The following MED13 variants were observed in gnomAD, a reference collection of about 807,000 sequenced individuals.
MED13 encodes mediator of RNA polymerase II transcription subunit 13.
A neutral mutation model predicts 225.2 loss-of-function variants in MED13; 23 were observed. The observed-to-expected ratio is 0.10, with a 90% CI of 0.07 to 0.14. The LOEUF is 0.14. Ranked by LOEUF, MED13 falls within the 10% of genes least tolerant of loss-of-function variation. The pLI, the probability that MED13 is intolerant of heterozygous loss-of-function variation, is 1.00. For missense variants in MED13, 2,197 were observed against 2,594.5 expected, an observed-to-expected ratio of 0.85 and a Z score of 3.33; for synonymous variants, 942 against 889.2, an observed-to-expected ratio of 1.06 and a Z score of -1.06.
intron 8 of MED13, among the ~76,000 whole-genome samples, chr17:62,017,226 A>G (rs2080591615): frequency 1.3e-5 from 2 of 149,402 alleles, no homozygotes; most frequent in South Asian, 4.2e-4. Context: ...TGCTAAAAAA[A>G]AAAAAAAAAA....
rs373336007 is a variant in MED13 at position 61,942,832 on chromosome 17, C to T, written c.*3636G>A. On this transcript the variant is annotated 3_prime_UTR_variant, in exon 30 of 30. Transcript: ENST00000397786. Reference sequence around the variant, plus strand: ...ACTGCTAAACAACAACTTTAAAACGCCCCTTCATAAAGTGACCAAGCTATT... The same window carrying T: ...ACTGCTAAACAACAACTTTAAAACGTCCCTTCATAAAGTGACCAAGCTATT... 6.6e-6 allele frequency: 1 copy of T among 152,416 alleles called. No homozygotes were observed. The highest frequency in any genetic ancestry group is 6.6e-5 in the Admixed American group (1 of 15,264). The allele number at this position is 152,416 out of a possible 1,614,324, so 9.4% of individuals were successfully genotyped here.
At chr17:62,035,713 C>T (rs2080796795) in intron 3 of MED13, 105 bp from the exon 4 acceptor site, 1 of 1,117,774 alleles carries the variant, frequency 8.9e-7, no homozygotes, top group Admixed American at 3.0e-5. Flanking sequence ...CCTATTTTGC[C>T]CAAAAATTCT....
chr17:61,953,303 G>A (rs2079912644), intron 26 of MED13, among the ~76,000 whole-genome samples, 190 bp from the exon 27 acceptor site: 2 of 152,170 alleles, frequency 1.3e-5, no homozygotes, highest in South Asian at 4.1e-4. Context: ...CAAGCATGTG[G>A]TAGTCTGAAT....
At position 61,956,537 on chromosome 17, in the gene MED13, CTGT is replaced by C. The variant is rs878981709; in HGVS notation, c.5481-59_5481-57del. The C allele has an allele frequency of 8.6e-5, 132 of 1,542,528 alleles. 1 individual carries two copies. In the South Asian group the frequency reaches 1.3e-3, roughly 16 times the overall value. The stretch of plus-strand genomic sequence containing the variant: ...TATTTCTAAAATTTATATGATTTTG[CTGT>C]TGTTGTTTTTTTGAGATGGAGTCTC... On this transcript the variant is annotated intron_variant, in intron 23 of 29. Coordinates refer to ENST00000397786, the MANE Select transcript of MED13 (RefSeq NM_005121.3).
rs775871388 is a variant in MED13, at chr17:62,010,912, T to G, written c.1605A>C (p.Pro535=). 2 of 1,612,916 alleles carry G rather than the reference T, an allele frequency of 1.2e-6. No homozygotes were observed. Among genetic ancestry groups the G allele is most frequent in the Admixed American group, 3.3e-5 (2 of 59,980 alleles). Residue 535 remains proline, a synonymous_variant, in exon 9 of 30, where the codon CCA becomes CCC. Transcript: ENST00000397786. ...CCACATCACAAGGGTGAGGACTAAG[T>G]GGGGGTGGTTGAGGTGAATTTGCCA... ...TEMANSPQPP[P]LSPHPCDVVD...
At chr17:62,012,493 G>A (rs2080520847) in intron 8 of MED13, among the ~76,000 whole-genome samples, 1 of 151,188 alleles carries the variant, frequency 6.6e-6, no homozygotes, top group Admixed American at 6.6e-5. Flanking sequence ...ACCATGCCCG[G>A]CTAATTTTGC....
Position 61,982,746 on chromosome 17 carries a change from T to C in MED13, c.3257A>G (p.Lys1086Arg). ...ILSESVMNLF[K>R]DCNFDSCCIC... ...GCAACAACTATCAAAGTTACAGTCTTTAAACAAATTCATAACTGATTCTGA... is the reference window on the plus strand; with the variant it reads ...GCAACAACTATCAAAGTTACAGTCTCTAAACAAATTCATAACTGATTCTGA... The change falls in exon 16 of 30, where the codon AAA becomes AGA. Residue 1086 changes from lysine (K) to arginine (R), a missense_variant. Physicochemically the swap from Lys to Arg is conservative, Grantham distance 26 (BLOSUM62 2). Around this residue, in one of 12 missense-constraint regions of MED13, gnomAD observed 99 missense variants for 158.5 expected, o/e 0.62. Transcript: ENST00000397786. The C allele has an allele frequency of 1.2e-6, 2 of 1,614,216 alleles. No individual in the cohort carries two copies. Among genetic ancestry groups the C allele is most frequent in the Non-Finnish European group, 1.7e-6 (2 of 1,180,046 alleles).
intron 16 of MED13, among the ~76,000 whole-genome samples, chr17:61,977,123 T>C (rs900739265): frequency 1.3e-5 from 2 of 152,142 alleles, no homozygotes; most frequent in Non-Finnish European, 2.9e-5. Context: ...TAGACAAAAA[T>C]CTTTGCCTTT....
chr17:62,015,935 TATATATATATATATATATA>T lies in MED13; in HGVS notation c.1284-4721_1284-4703del, dbSNP rs1394503003. On this transcript the variant is annotated intron_variant, in intron 8 of 29. Transcript: ENST00000397786. ...ATACACATATATATATATATATATA[TATATATATATATATATATA>T]TTTTTTTTTTTTTTTTTTTTTTTTT... Among the ~76,000 whole-genome samples the T allele has an allele frequency of 1.8e-3, 15 of 8,460 alleles. 1 individual carries two copies. Among genetic ancestry groups the T allele is most frequent in the Non-Finnish European group, 2.5e-3 (9 of 3,532 alleles). 5.6% of individuals were successfully genotyped at this position (8,460 alleles called of 152,430 possible).
intron 5 of MED13, among the ~76,000 whole-genome samples, chr17:62,032,114 A>G (rs2080762903): frequency 6.6e-6 from 1 of 152,020 alleles, no homozygotes; most frequent in African/African-American, 2.4e-5. Context: ...CTGCTCTAGT[A>G]GTAATGGGTT....
At chr17:62,064,161 T>C (rs1482883016) in intron 1 of MED13, among the ~76,000 whole-genome samples, 1 of 152,240 alleles carries the variant, frequency 6.6e-6, no homozygotes, top group Non-Finnish European at 1.5e-5. Context: ...CACTTACCTA[T>C]CATATACTCT....
chr17:61,969,206 T>C (rs2080085178), intron 17 of MED13, among the ~76,000 whole-genome samples: 1 of 152,050 alleles, frequency 6.6e-6, no homozygotes, highest in Non-Finnish European at 1.5e-5. Flanking sequence ...AAATACAAAA[T>C]TAGCCGGGCA....
At chr17:62,022,924 C>T (rs192318388) in intron 8 of MED13, among the ~76,000 whole-genome samples, 2 of 152,184 alleles carry the variant, frequency 1.3e-5, no homozygotes, top group East Asian at 1.9e-4. Flanking sequence ...GCAGGAGGAT[C>T]GTTTCAGCCC....
intron 3 of MED13, among the ~76,000 whole-genome samples, chr17:62,038,828 TA>T (rs71357004): frequency 6.8e-6 from 1 of 146,978 alleles, no homozygotes; most frequent in Non-Finnish European, 1.5e-5. Flanking sequence ...CACACCCAGC[TA>T]ATTTTTTTTT....
intron 2 of MED13, among the ~76,000 whole-genome samples, chr17:62,056,963 G>A (rs2081000722): frequency 6.6e-6 from 1 of 151,960 alleles, no homozygotes; most frequent in African/African-American, 2.4e-5. Flanking sequence ...TGAAGATGCA[G>A]ATTACAGTAG....
rs749002485 is a variant in MED13, at chr17:62,010,886, A to G, written c.1631T>C (p.Val544Ala). The change falls in exon 9 of 30, where the codon GTT (valine) becomes GCT (alanine). Residue 544 changes from valine (V) to alanine (A), a missense_variant. Coordinates refer to ENST00000397786, the MANE Select transcript of MED13 (RefSeq NM_005121.3). ...AGGTGTTTTAGTCACTCCTTCATCA[A>G]CCACATCACAAGGGTGAGGACTAAG... ...PPLSPHPCDV[V>A]DEGVTKTPST... The G allele has an allele frequency of 3.4e-5, 55 of 1,614,188 alleles. No individual in the cohort carries two copies. In the Admixed American group the frequency reaches 9.2e-4, roughly 27 times the overall value.
chr17:61,985,475 G>A (rs966156612), intron 12 of MED13, among the ~76,000 whole-genome samples: 3 of 152,108 alleles, frequency 2.0e-5, no homozygotes, highest in African/African-American at 7.2e-5. Context: ...AGGAGTTTGA[G>A]ACCAGCCTGG....
At chr17:62,037,411 T>C (rs1400514377) in intron 3 of MED13, among the ~76,000 whole-genome samples, 1 of 152,132 alleles carries the variant, frequency 6.6e-6, no homozygotes, top group Non-Finnish European at 1.5e-5. Flanking sequence ...ATGCCTGTAA[T>C]CCCAGCACTT....
chr17:61,996,018 ATTGT>A (rs1212356688), intron 9 of MED13, among the ~76,000 whole-genome samples: 1 of 152,194 alleles, frequency 6.6e-6, no homozygotes, highest in Non-Finnish European at 1.5e-5. Flanking sequence ...CAACTAAGAA[ATTGT>A]TTCTCTTTAT....
Sources: allele counts gnomAD v4.1 joint callset (sites outside exome capture counted in the v4.1 genomes callset), GRCh38; gene constraint gnomAD v4.1.1; regional missense constraint gnomAD v4.1.1; transcripts MANE v1.5; gene names NCBI Gene and HGNC (gene_info 2026-07-23, HGNC 2026-07-21).